The following TSHZ2 variants were observed in gnomAD, a reference collection of about 807,000 sequenced individuals.
The protein encoded by TSHZ2 is teashirt zinc finger homeobox 2.
A neutral mutation model predicts 74.4 loss-of-function variants in TSHZ2; 21 were observed. The observed-to-expected ratio is 0.28, with a 90% CI of 0.20 to 0.41. The LOEUF is 0.41. Ranked by LOEUF, TSHZ2 falls within the 10% of genes least tolerant of loss-of-function variation. The pLI, the probability that TSHZ2 is intolerant of heterozygous loss-of-function variation, is 1.00. For synonymous variants in TSHZ2, 540 were observed against 515.3 expected (o/e 1.05, Z -0.65); for missense variants, 1,244 against 1,293.5 (o/e 0.96, Z 0.59).
chr20:53,078,084 G>C (rs1015521349), intron 1 of TSHZ2, among the ~76,000 whole-genome samples: 5 of 152,240 alleles, frequency 3.3e-5, no homozygotes, highest in Non-Finnish European at 7.3e-5. Context: ...CTATCGGAAA[G>C]GAGGGAGAAT....
intron 2 of TSHZ2, among the ~76,000 whole-genome samples, chr20:53,299,883 C>A (rs2145478889): frequency 6.6e-6 from 1 of 152,300 alleles, no homozygotes; most frequent in South Asian, 2.1e-4. Flanking sequence ...TATTCCCCCA[C>A]ATGATAGCAT....
chr20:53,000,840 A>C (rs1230797613), intron 1 of TSHZ2, among the ~76,000 whole-genome samples: 1 of 152,128 alleles, frequency 6.6e-6, no homozygotes, highest in African/African-American at 2.4e-5. Flanking sequence ...CTCTGATTCC[A>C]TGAAAAGTTT....
intron 1 of TSHZ2, among the ~76,000 whole-genome samples, chr20:53,181,978 G>A (rs1190531856): frequency 6.6e-6 from 1 of 152,162 alleles, no homozygotes; most frequent in Non-Finnish European, 1.5e-5. Flanking sequence ...AGCAACATGT[G>A]GGCCTCAATT....
intron 1 of TSHZ2, among the ~76,000 whole-genome samples, chr20:53,209,014 A>T (rs1033902785): frequency 6.6e-6 from 1 of 152,126 alleles, no homozygotes; most frequent in Non-Finnish European, 1.5e-5. Context: ...ACCCATTTTG[A>T]CTTGGCATAA....
At chr20:53,053,720 T>C (rs980536595) in intron 1 of TSHZ2, among the ~76,000 whole-genome samples, 3 of 152,186 alleles carry the variant, frequency 2.0e-5, no homozygotes, top group Non-Finnish European at 2.9e-5. Flanking sequence ...AGCGCATACA[T>C]AAAACATTTT....
intron 2 of TSHZ2, among the ~76,000 whole-genome samples, chr20:53,263,367 G>A (rs539352936): frequency 3.9e-5 from 6 of 152,128 alleles, no homozygotes; most frequent in South Asian, 4.1e-4. Flanking sequence ...AGTGGATACC[G>A]GTGCCCAAAT....
intron 2 of TSHZ2, among the ~76,000 whole-genome samples, chr20:53,472,145 C>CTTAA (rs1240748692): frequency 6.6e-6 from 1 of 152,104 alleles, no homozygotes; most frequent in African/African-American, 2.4e-5. Flanking sequence ...AGTGACCCAA[C>CTTAA]TTAATTTGAG....
At chr20:53,483,574 G>A (rs6097452) in intron 2 of TSHZ2, among the ~76,000 whole-genome samples, 30,450 of 151,878 alleles carry the variant, frequency 0.2, 3,223 homozygotes, top group East Asian at 0.3. Context: ...AAAACAAAAA[G>A]GATCTGTCAT....
intron 1 of TSHZ2, among the ~76,000 whole-genome samples, chr20:52,999,408 G>GA (rs972581035): frequency 3.3e-5 from 5 of 152,172 alleles, no homozygotes; most frequent in African/African-American, 1.2e-4. Context: ...GAAGGTGAGG[G>GA]AAGGGGGCTA....
intron 2 of TSHZ2, among the ~76,000 whole-genome samples, chr20:53,410,587 C>CATTATTATT (rs71194476): frequency 0.13 from 18,055 of 141,728 alleles, 1,228 homozygotes; most frequent in South Asian, 0.16. Context: ...ATTATCGTCA[C>CATTATTATT]ATTATTATTA....
chr20:53,014,621 T>C (rs1982970986), intron 1 of TSHZ2, among the ~76,000 whole-genome samples: 1 of 152,080 alleles, frequency 6.6e-6, no homozygotes, highest in Admixed American at 6.6e-5. Flanking sequence ...CTCCATTTTC[T>C]CCTCCTTCAA....
chr20:53,357,746 C>T (rs181640010), intron 2 of TSHZ2, among the ~76,000 whole-genome samples: 26 of 152,272 alleles, frequency 1.7e-4, no homozygotes, highest in East Asian at 3.9e-4. Context: ...GTGCTGCTTT[C>T]TTTGTATGCT....
At chr20:53,154,326 C>A (rs1043962370) in intron 1 of TSHZ2, among the ~76,000 whole-genome samples, 1 of 152,138 alleles carries the variant, frequency 6.6e-6, no homozygotes, top group Non-Finnish European at 1.5e-5. Context: ...GTTTTTTTAA[C>A]ATTGCTCCTA....
chr20:53,045,329 C>T (rs952927838), intron 1 of TSHZ2, among the ~76,000 whole-genome samples: 2 of 152,206 alleles, frequency 1.3e-5, no homozygotes, highest in African/African-American at 4.8e-5. Flanking sequence ...CCAGAAAATA[C>T]ACATGAGAAT....
chr20:53,031,761 A>C (rs1983646834), intron 1 of TSHZ2, among the ~76,000 whole-genome samples: 1 of 152,196 alleles, frequency 6.6e-6, no homozygotes, highest in Admixed American at 6.5e-5. Context: ...TCATATTTTC[A>C]GCTCTTGCAT....
At chr20:53,483,220 G>GGGCCCAGGAGTTCAAGACCA (rs1986205044) in intron 2 of TSHZ2, among the ~76,000 whole-genome samples, 1 of 151,830 alleles carries the variant, frequency 6.6e-6, no homozygotes, top group Non-Finnish European at 1.5e-5. Context: ...AGAATGGCTT[G>GGGCCCAGGAGTTCAAGACCA]GCCTGGGCAA....
intron 2 of TSHZ2, among the ~76,000 whole-genome samples, chr20:53,284,314 T>C (rs1181806295): frequency 6.6e-6 from 1 of 152,218 alleles, no homozygotes; most frequent in East Asian, 1.9e-4. Context: ...ATAGTTAATA[T>C]TAAAAATGTA....
chr20:52,995,157 A>C (rs1165519171), intron 1 of TSHZ2, among the ~76,000 whole-genome samples: 1 of 152,192 alleles, frequency 6.6e-6, no homozygotes, highest in Non-Finnish European at 1.5e-5. Flanking sequence ...CCAGCATCTC[A>C]GTTCCTCAGC....
At chr20:53,114,445 T>G (rs1600697713) in intron 1 of TSHZ2, among the ~76,000 whole-genome samples, 2 of 148,256 alleles carry the variant, frequency 1.3e-5, no homozygotes, top group African/African-American at 5.1e-5. Flanking sequence ...TCACGATATG[T>G]CATGAAGAAG....
Sources: gnomAD v4.1 joint callset for allele counts (sites outside exome capture counted in the v4.1 genomes callset) on GRCh38, gnomAD v4.1.1 for gene constraint, MANE v1.5 for transcripts, NCBI Gene and HGNC (gene_info 2026-07-23, HGNC 2026-07-21) for gene names.